The following CHKA variants were observed in gnomAD, a reference collection of about 807,000 sequenced individuals.
The protein encoded by CHKA is choline kinase alpha.
Under a neutral mutation model 60.1 loss-of-function variants are expected in CHKA, and 34 were observed. That is an observed-to-expected ratio of 0.57 (90% CI 0.43 to 0.75). The LOEUF is 0.75. Ranked by LOEUF, CHKA falls within the 30% of genes least tolerant of loss-of-function variation. The probability of loss-of-function intolerance (pLI) is 0.00; values close to 1 mark genes in which losing one functional copy is unlikely to be tolerated. For missense variants in CHKA, 563 were observed against 561.3 expected (o/e 1.00, Z -0.03); for synonymous variants, 217 against 223.1 (o/e 0.97, Z 0.24).
In CHKA at chr11:68,072,805, G is replaced by T. The variant is rs549278653; in HGVS notation, c.630+1912C>A. Among the ~76,000 whole-genome samples, 21 of 152,076 alleles carry T rather than the reference G, an allele frequency of 1.4e-4. 1 individual carries two copies. The South Asian group carries it at 4.2e-3, about 30-fold the overall frequency. ...CCAGGAGAGTTCAAGACCAGCCAGG[G>T]TAACACAGCAAGACCCATCTCTACA... On this transcript the variant is annotated intron_variant, in intron 4 of 11. Coordinates refer to ENST00000265689, the MANE Select transcript of CHKA (RefSeq NM_001277.3).
At position 68,068,421 on chromosome 11, in the gene CHKA, A is replaced by AT. The variant is rs1191066672; in HGVS notation, c.928+457dup. On this transcript the variant is annotated intron_variant, in intron 7 of 11. Transcript: ENST00000265689. ...TATTCTTTCGGATTTCTTCCATGTA[A>AT]TTTTTTTTTTTTTTTTAACAGGATC... Among the ~76,000 whole-genome samples the AT allele has an allele frequency of 1.8e-3, 252 of 142,744 alleles. 1 individual carries two copies. Among genetic ancestry groups the AT allele is most frequent in the Admixed American group, 2.1e-3 (30 of 14,240 alleles). 93.6% of individuals were successfully genotyped at this position (142,744 alleles called of 152,430 possible). A position where few individuals can be genotyped will look rare whatever the true frequency, so the allele number is the denominator to read the frequency against.
At position 68,070,845 on chromosome 11, in the gene CHKA, C is replaced by T. The variant is rs775017205; in HGVS notation, c.643G>A (p.Asp215Asn). 1.2e-6 allele frequency: 2 copies of T among 1,609,180 alleles called. No homozygotes were observed. The highest frequency in any genetic ancestry group is 1.1e-5 in the South Asian group (1 of 90,618). ...TCTGGCAAACTTAATTCTTCAGTATCTAATCGCCGGCTCTGAAAAAGAAAA... is the reference window on the plus strand; with the variant it reads ...TCTGGCAAACTTAATTCTTCAGTATTTAATCGCCGGCTCTGAAAAAGAAAA... The part of the protein sequence containing the change: ...LEQFIPSRRL[D>N]TEELSLPDIS... The change falls in exon 5 of 12, where the codon GAT becomes AAT. Residue 215 changes from aspartate to asparagine, a missense_variant. Physicochemically the swap from Asp to Asn is conservative, Grantham distance 23. Coordinates refer to ENST00000265689, the MANE Select transcript of CHKA (RefSeq NM_001277.3).
At chr11:68,108,616 CGCCTGTAGTCCCA>C (rs1319220680) in intron 1 of CHKA, among the ~76,000 whole-genome samples, 2 of 152,026 alleles carry the variant, frequency 1.3e-5, no homozygotes, top group African/African-American at 4.8e-5. Flanking sequence ...TGGTGGCGGG[CGCCTGTAGTCCCA>C]GCCACTTGGG....
chr11:68,071,809 T>G (rs1590844045), intron 4 of CHKA, among the ~76,000 whole-genome samples: 1 of 152,196 alleles, frequency 6.6e-6, no homozygotes, highest in East Asian at 1.9e-4. Context: ...GAGGAGAGAA[T>G]GCAGATGAGG....
intron 2 of CHKA, among the ~76,000 whole-genome samples, chr11:68,082,971 C>T (rs564220678): frequency 1.3e-5 from 2 of 152,266 alleles, no homozygotes; most frequent in South Asian, 2.1e-4. Flanking sequence ...GTTTGATGTG[C>T]GATGTGGTAG....
intron 3 of CHKA, among the ~76,000 whole-genome samples, chr11:68,081,126 C>T (rs1414494463): frequency 5.9e-5 from 9 of 152,170 alleles, no homozygotes; most frequent in Admixed American, 3.3e-4. Context: ...ACGAATGCTC[C>T]CCTGGCTGCC....
At chr11:68,056,399 G>C (rs1856016736) in intron 11 of CHKA, among the ~76,000 whole-genome samples, 1 of 152,154 alleles carries the variant, frequency 6.6e-6, no homozygotes, top group African/African-American at 2.4e-5. Context: ...AGGGGGTCCT[G>C]CACCATACCC....
intron 1 of CHKA, among the ~76,000 whole-genome samples, chr11:68,110,796 C>T (rs1858103625): frequency 6.6e-6 from 1 of 151,290 alleles, no homozygotes; most frequent in Admixed American, 6.6e-5. Context: ...TCAGGAGTTC[C>T]GAGACCAGCC....
intron 4 of CHKA, among the ~76,000 whole-genome samples, chr11:68,072,693 A>T (rs4930227): frequency 0.66 from 99,641 of 151,884 alleles, 32,719 homozygotes; most frequent in Middle Eastern, 0.75. Flanking sequence ...ACAGAATTTT[A>T]AAAAAATCTT....
chr11:68,064,457 A>G, intron 10 of CHKA, 68 bp downstream of exon 10: 1 of 736,712 alleles, frequency 1.4e-6, no homozygotes, highest in Non-Finnish European at 2.2e-6. Flanking sequence ...ATTGCAAGTC[A>G]GCATCTCCCA....
chr11:68,105,514 C>CAAAAAAAAAAAAAAAAAAAAAAAAA (rs1170085830), intron 1 of CHKA, among the ~76,000 whole-genome samples: 1 of 64,952 alleles, frequency 1.5e-5, no homozygotes, highest in African/African-American at 5.9e-5. Flanking sequence ...GACTCCATCT[C>CAAAAAAAAAAAAAAAAAAAAAAAAA]AAAAAAAAAA....
intron 1 of CHKA, among the ~76,000 whole-genome samples, chr11:68,118,713 G>C (rs1858489724): frequency 6.6e-6 from 1 of 152,204 alleles, no homozygotes; most frequent in South Asian, 2.1e-4. Context: ...GTGTACTCTT[G>C]CAACATTATG....
In CHKA at chr11:68,053,959, T is replaced by A. The variant is rs1362549740; in HGVS notation, c.*29A>T. 1 of 1,603,632 alleles carries A rather than the reference T, an allele frequency of 6.2e-7. No individual in the cohort carries two copies. The highest frequency in any genetic ancestry group is 1.7e-5 in the Admixed American group (1 of 59,790). The stretch of plus-strand genomic sequence containing the variant: ...TCTGCTGCCTCCCCATGCAGTCCAG[T>A]GATGAGGTGGATGGAGTCCTCCCCA... On this transcript the variant is annotated 3_prime_UTR_variant, in exon 12 of 12. Coordinates refer to ENST00000265689, the MANE Select transcript of CHKA (RefSeq NM_001277.3).
chr11:68,073,893 G>A (rs1001035882), intron 4 of CHKA, among the ~76,000 whole-genome samples: 3 of 152,150 alleles, frequency 2.0e-5, no homozygotes, highest in South Asian at 2.1e-4. Flanking sequence ...AGGAACTTAC[G>A]CTCAATGAAA....
chr11:68,072,491 G>A (rs1279058474), intron 4 of CHKA, among the ~76,000 whole-genome samples: 1 of 148,972 alleles, frequency 6.7e-6, no homozygotes, highest in Non-Finnish European at 1.5e-5. Flanking sequence ...AAGCTGCAGT[G>A]AGCTGAGATC....
chr11:68,070,745 C>G lies in CHKA; in HGVS notation c.743G>C (p.Trp248Ser). 6.2e-7 allele frequency: 1 copy of G among 1,611,650 alleles called. No homozygotes were observed. Among genetic ancestry groups the G allele is most frequent in the Non-Finnish European group, 8.5e-7 (1 of 1,177,992 alleles). ...MKMPFNKEPK[W>S]LFGTMEKYLK... ...TTACTTTTCCATTGTGCCAAAAAGC[C>G]ATTTTGGTTCCTTATTGAATGGCAT... Residue 248 changes from tryptophan (W) to serine (S), a missense_variant, in exon 5 of 12, where the codon TGG becomes TCG. Physicochemically the swap from Trp to Ser is radical, Grantham distance 177 (BLOSUM62 -3). Transcript: ENST00000265689.
rs2134474477 is a variant in CHKA at position 68,054,029 on chromosome 11, AC to A, written c.1332del (p.Arg444SerfsTer80). The A allele has an allele frequency of 6.2e-7, 1 of 1,613,256 alleles. No homozygotes were observed. The highest frequency in any genetic ancestry group is 8.5e-7 in the Non-Finnish European group (1 of 1,179,674). On this transcript the variant is annotated frameshift_variant, in exon 12 of 12. Transcript: ENST00000265689. LOFTEE classifies it high-confidence loss of function. ...CTCTTCTGGTGGAAATAGGCATCAA[AC>A]CTTGCTTGGGCGTAGTCCTAGGAGA... ...EFGYMDYAQA[R>X]FDAYFHQKRK...
intron 1 of CHKA, among the ~76,000 whole-genome samples, chr11:68,112,784 C>T (rs990312989): frequency 6.6e-6 from 1 of 152,080 alleles, no homozygotes; most frequent in East Asian, 1.9e-4. Flanking sequence ...CTTTCCCACT[C>T]AAGAAGGTGT....
intron 1 of CHKA, 37 bp downstream of exon 1, chr11:68,120,791 T>C (rs763492186): frequency 7.9e-6 from 7 of 890,244 alleles, no homozygotes; most frequent in Non-Finnish European, 8.4e-6. Context: ...CCGCGTCACC[T>C]GACTGTCCCG....
Sources: allele counts gnomAD v4.1 joint callset (sites outside exome capture counted in the v4.1 genomes callset), GRCh38; gene constraint gnomAD v4.1.1; transcripts MANE v1.5; gene names NCBI Gene and HGNC (gene_info 2026-07-23, HGNC 2026-07-21).